ZFAT: variants seen among roughly 807,000 people sequenced by gnomAD.
The protein encoded by ZFAT is zinc finger protein ZFAT.
Under a neutral mutation model 117.7 loss-of-function variants are expected in ZFAT, and 64 were observed. That is an observed-to-expected ratio of 0.54 (90% CI 0.44 to 0.67). The LOEUF is 0.67. Ranked by LOEUF, ZFAT falls within the 30% of genes least tolerant of loss-of-function variation. The pLI is 0.00. For missense variants in ZFAT, 1,433 were observed against 1,584.5 expected, an observed-to-expected ratio of 0.90 and a Z score of 1.62; for synonymous variants, 679 against 615.0, an observed-to-expected ratio of 1.10 and a Z score of -1.54.
chr8:134,631,492 A>T (rs1305511796), intron 3 of ZFAT, among the ~76,000 whole-genome samples: 1 of 152,242 alleles, frequency 6.6e-6, no homozygotes, highest in Admixed American at 6.5e-5. Flanking sequence ...TCGCTTCTGC[A>T]TCTCAAATTC....
intron 12 of ZFAT, among the ~76,000 whole-genome samples, chr8:134,528,517 C>T (rs1453149734): frequency 6.6e-6 from 1 of 152,214 alleles, no homozygotes; most frequent in Admixed American, 6.5e-5. Context: ...AAAACTAATA[C>T]ACAAATATAC....
At chr8:134,544,448 T>TC (rs1822539740) in intron 11 of ZFAT, among the ~76,000 whole-genome samples, 1 of 148,052 alleles carries the variant, frequency 6.8e-6, no homozygotes, top group Non-Finnish European at 1.5e-5. Flanking sequence ...TGGTTGAAAT[T>TC]TTTTTTTAAA....
intron 1 of ZFAT, among the ~76,000 whole-genome samples, chr8:134,687,222 G>A (rs549057909): frequency 2.0e-5 from 3 of 152,300 alleles, no homozygotes; most frequent in African/African-American, 7.2e-5. Flanking sequence ...CTCATAAAAT[G>A]CTGATGAACA....
chr8:134,528,510 A>C (rs552435782), intron 12 of ZFAT, among the ~76,000 whole-genome samples: 1 of 152,344 alleles, frequency 6.6e-6, no homozygotes, highest in South Asian at 2.1e-4. Context: ...GGTGTAAAAA[A>C]CTAATACACA....
Position 134,608,850 on chromosome 8 carries a change from C to A in ZFAT, c.664G>T (p.Gly222Trp). ...TTTGTAGCTCCTGTTTCAGGGGGCC[C>A]AGCCTCCACTGGCACAATCTTGGTA... ...GATKIVPVEA[G>W]PPETGATNSE... Residue 222 changes from glycine to tryptophan, a missense_variant, in exon 5 of 16, where the codon GGG becomes TGG. Gly to Trp is a radical substitution (Grantham distance 184). This residue lies in a region of ZFAT where 436 missense variants were observed against 482.0 expected (regional missense o/e 0.90). Transcript: ENST00000377838. 6.2e-7 allele frequency: 1 copy of A among 1,609,824 alleles called. No homozygotes were observed. Among genetic ancestry groups the A allele is most frequent in the Non-Finnish European group, 8.5e-7 (1 of 1,178,448 alleles).
Sources: gnomAD v4.1 joint callset for allele counts (sites outside exome capture counted in the v4.1 genomes callset) on GRCh38, gnomAD v4.1.1 for gene constraint, gnomAD v4.1.1 regional missense constraint, MANE v1.5 for transcripts, NCBI Gene and HGNC (gene_info 2026-07-23, HGNC 2026-07-21) for gene names.